ARFGAP1: variants seen among roughly 807,000 people sequenced by gnomAD.
The protein encoded by ARFGAP1 is ARF GTPase activating protein 1.
ARFGAP1 carries 26 observed loss-of-function variants against 54.0 expected under a neutral mutation model. The ratio of observed to expected loss-of-function variants is 0.48; its 90% confidence interval spans 0.35 to 0.67. The LOEUF (loss-of-function observed/expected upper bound fraction) is 0.67. Ranked by LOEUF, ARFGAP1 falls within the 30% of genes least tolerant of loss-of-function variation. ARFGAP1 has a pLI of 0.00. For missense variants in ARFGAP1, 525 were observed against 535.8 expected, an observed-to-expected ratio of 0.98 and a Z score of 0.20; for synonymous variants, 248 against 211.9, an observed-to-expected ratio of 1.17 and a Z score of -1.48.
rs1401359572 is a variant in ARFGAP1 at position 63,276,764 on chromosome 20, C to G, written c.342+113C>G. Reference sequence around the variant, plus strand: ...GAGTCGGTTCTTCTGCTGGTTCTGACACACCCACTGGGCCACACACAACTT... The same window carrying G: ...GAGTCGGTTCTTCTGCTGGTTCTGAGACACCCACTGGGCCACACACAACTT... On this transcript the variant is annotated intron_variant, in intron 4 of 12. Transcript: ENST00000370283. The surrounding 1 kb of genome is among the most constrained non-coding windows in gnomAD (Gnocchi z 5.2). The G allele has an allele frequency of 4.0e-6, 5 of 1,257,226 alleles. No homozygotes were observed. Among genetic ancestry groups the G allele is most frequent in the Admixed American group, 5.6e-5 (2 of 35,520 alleles). The allele number at this position is 1,257,226 out of a possible 1,614,324, so 77.9% of individuals were successfully genotyped here. A position where few individuals can be genotyped will look rare whatever the true frequency, so the allele number is the denominator to read the frequency against.
At position 63,277,302 on chromosome 20, in the gene ARFGAP1, A is replaced by T. The variant is rs1167677391; in HGVS notation, c.440A>T (p.His147Leu). The part of the protein sequence containing the change: ...PQPRTLPSMV[H>L]RVSGQPQSVT... ...CCCAGGACGCTGCCGTCCATGGTGCACCGGTAGCTGCTCCTCGTGGGGCCT... is the reference window on the plus strand; with the variant it reads ...CCCAGGACGCTGCCGTCCATGGTGCTCCGGTAGCTGCTCCTCGTGGGGCCT... Residue 147 changes from histidine (H) to leucine (L), a missense_variant, in exon 5 of 13, where the codon CAC becomes CTC. This residue lies in a region of ARFGAP1 where 466 missense variants were observed against 453.6 expected (regional missense o/e 1.03). Coordinates refer to ENST00000370283, the MANE Select transcript of ARFGAP1 (RefSeq NM_018209.4). 6 of 1,611,676 alleles carry T rather than the reference A, an allele frequency of 3.7e-6. No homozygotes were observed. Among genetic ancestry groups the T allele is most frequent in the Non-Finnish European group, 5.1e-6 (6 of 1,179,482 alleles).
intron 1 of ARFGAP1, among the ~76,000 whole-genome samples, chr20:63,274,723 T>A (rs1436628894): frequency 1.3e-5 from 2 of 152,170 alleles, no homozygotes; most frequent in Non-Finnish European, 2.9e-5. Context: ...CACTGGGTCA[T>A]TCCCCCTTGA....
In ARFGAP1 at chr20:63,289,275, G is replaced by A. The variant is rs1157544840; in HGVS notation, c.*1402G>A. ...CCACCGGGAAAGCAGCCAGCACAAA[G>A]GGCCCAGGAAGCCAGCCCCCGAGAG... On this transcript the variant is annotated 3_prime_UTR_variant, in exon 13 of 13. Transcript: ENST00000370283. 2 of 152,344 alleles carry A rather than the reference G, an allele frequency of 1.3e-5. No homozygotes were observed. Among genetic ancestry groups the A allele is most frequent in the African/African-American group, 4.8e-5 (2 of 41,444 alleles). The allele number at this position is 152,344 out of a possible 1,614,324, so 9.4% of individuals were successfully genotyped here. A position where few individuals can be genotyped will look rare whatever the true frequency, so the allele number is the denominator to read the frequency against.
At chr20:63,284,018 G>C in intron 9 of ARFGAP1, 1 of 1,487,286 alleles carries the variant, frequency 6.7e-7, no homozygotes, top group Non-Finnish European at 9.0e-7. Context: ...CCCTGGCCTC[G>C]GTCCGTGGCT....
At position 63,278,118 on chromosome 20, in the gene ARFGAP1, G is replaced by A; in HGVS notation, c.445G>A (p.Val149Ile). 1.2e-6 allele frequency: 2 copies of A among 1,613,628 alleles called. 1 individual carries two copies. Among genetic ancestry groups the A allele is most frequent in the South Asian group, 2.2e-5 (2 of 91,082 alleles). ...PRTLPSMVHR[V>I]SGQPQSVTAS... ...CCAGCCTTCGATTCTCGGTTTCAGA[G>A]TCTCTGGCCAGCCGCAGAGTGTGAC... Residue 149 changes from valine to isoleucine, a missense_variant and splice_region_variant, in exon 6 of 13, where the codon GTC (valine) becomes ATC (isoleucine). Physicochemically the swap from Val to Ile is conservative, Grantham distance 29. Transcript: ENST00000370283.
rs2067606362 is a variant in ARFGAP1, at chr20:63,287,893, C to G, written c.*20C>G. 1 of 1,489,166 alleles carries G rather than the reference C, an allele frequency of 6.7e-7. No individual in the cohort carries two copies. Among genetic ancestry groups the G allele is most frequent in the Non-Finnish European group, 8.9e-7 (1 of 1,118,428 alleles). The allele number at this position is 1,489,166 out of a possible 1,614,324, so 92.2% of individuals were successfully genotyped here. ...TGGTAGGGCCCACTGCGCCCCCGTC[C>G]CCAGCGCCCCCGGGCGACTTCGTGT... On this transcript the variant is annotated 3_prime_UTR_variant, in exon 13 of 13. Coordinates refer to ENST00000370283, the MANE Select transcript of ARFGAP1 (RefSeq NM_018209.4).
intron 4 of ARFGAP1, 25 bp from the exon 5 acceptor site, chr20:63,277,180 C>G (rs372343703): frequency 8.1e-6 from 13 of 1,602,952 alleles, no homozygotes; most frequent in Admixed American, 5.0e-5. Context: ...TTTATGCTCT[C>G]GAATGCCCTG....
chr20:63,286,682 G>GC (rs1233435231), intron 12 of ARFGAP1: 8 of 495,972 alleles, frequency 1.6e-5, no homozygotes, highest in Non-Finnish European at 2.6e-5. Context: ...CTCTGCAGCT[G>GC]CAGAGGCCTG....
chr20:63,284,343 G>T, intron 9 of ARFGAP1: 1 of 1,066,594 alleles, frequency 9.4e-7, no homozygotes. Context: ...GGAAGAGGAG[G>T]CCTCACACCA....
intron 9 of ARFGAP1, chr20:63,283,739 G>A (rs373557357): frequency 6.8e-5 from 79 of 1,170,202 alleles, no homozygotes; most frequent in East Asian, 4.5e-4. Context: ...GAGCCTGCCC[G>A]GTGCTGCCTT....
At chr20:63,278,326 G>A in intron 6 of ARFGAP1, 123 bp downstream of exon 6, 1 of 979,006 alleles carries the variant, frequency 1.0e-6, no homozygotes, top group Non-Finnish European at 1.6e-6. Flanking sequence ...GGCATGCGCG[G>A]TGCAGGGTCT....
At chr20:63,277,129 T>A (rs2123223769) in intron 4 of ARFGAP1, 76 bp from the exon 5 acceptor site, 3 of 1,289,392 alleles carry the variant, frequency 2.3e-6, no homozygotes, top group South Asian at 2.6e-5. Flanking sequence ...CCGTGGGGGG[T>A]GCGCTGGAGT....
At chr20:63,277,877 G>GGTGCA (rs1318163228) in intron 5 of ARFGAP1, among the ~76,000 whole-genome samples, 2 of 152,344 alleles carry the variant, frequency 1.3e-5, no homozygotes, top group Non-Finnish European at 2.9e-5. Context: ...CCTGCCAACA[G>GGTGCA]GGAGAGTGCA....
chr20:63,278,233 C>T lies in ARFGAP1; in HGVS notation c.530+30C>T, dbSNP rs377480144. 24 of 1,607,548 alleles carry T rather than the reference C, an allele frequency of 1.5e-5. No homozygotes were observed. The Admixed American group carries it at 2.0e-4, about 13-fold the overall frequency. ...GGACTTGAGAGCTGGGGACGCCTGG[C>T]GTGGGCCAGGCCCACAGGGTTCAGT... On this transcript the variant is annotated intron_variant, in intron 6 of 12. Transcript: ENST00000370283.
rs370481258 is a variant in ARFGAP1, at chr20:63,285,782, G to A, written c.834+69G>A. The A allele has an allele frequency of 5.9e-4, 940 of 1,582,000 alleles. 6 individuals are homozygous for A. In the African/African-American group the frequency reaches 9.6e-3, roughly 16 times the overall value. On this transcript the variant is annotated intron_variant, in intron 11 of 12. Transcript: ENST00000370283. ...CCATATTCCACGGCCCTGGGCGTGA[G>A]AGCAGGGTGTGCCCCGTGCAGCCCT...
chr20:63,281,833 A>G (rs2067388467), intron 8 of ARFGAP1, among the ~76,000 whole-genome samples: 2 of 152,124 alleles, frequency 1.3e-5, no homozygotes, highest in African/African-American at 4.8e-5. Context: ...CAGGCCTGAC[A>G]CCAGGATGGA....
At chr20:63,286,740 G>C (rs75986756) in intron 12 of ARFGAP1, 15,296 of 335,906 alleles carry the variant, frequency 0.046, 676 homozygotes, top group South Asian at 0.071. Flanking sequence ...CCCTGCAGGA[G>C]CTGGGCTCCC....
rs545914497 is a variant in ARFGAP1, at chr20:63,288,279, G to A, written c.*406G>A. 4.4e-5 allele frequency: 22 copies of A among 494,854 alleles called. No individual in the cohort carries two copies. The highest frequency in any genetic ancestry group is 1.7e-4 in the East Asian group (3 of 17,494). The allele number at this position is 494,854 out of a possible 1,614,324, so 30.7% of individuals were successfully genotyped here. On this transcript the variant is annotated 3_prime_UTR_variant, in exon 13 of 13. Coordinates refer to ENST00000370283, the MANE Select transcript of ARFGAP1 (RefSeq NM_018209.4). ...TCAGCGACGTGAGGTGTCCCTTCTC[G>A]TTGAGATATTTAACTTTGGTTTTGC...
chr20:63,286,407 C>T lies in ARFGAP1; in HGVS notation c.876C>T (p.Thr292=). The T allele has an allele frequency of 6.2e-7, 1 of 1,613,488 alleles. No individual in the cohort carries two copies. Among genetic ancestry groups the T allele is most frequent in the Non-Finnish European group, 8.5e-7 (1 of 1,179,964 alleles). ...GTAAGGGATGGCGGGACGTCACCAC[C>T]TTTTTTTCGGGGAAAGCAGAGGGCC... ...VGSKGWRDVT[T]FFSGKAEGPL... The change falls in exon 12 of 13, where the codon ACC becomes ACT. Residue 292 remains threonine, a synonymous_variant. Coordinates refer to ENST00000370283, the MANE Select transcript of ARFGAP1 (RefSeq NM_018209.4).
Sources: allele counts gnomAD v4.1 joint callset (sites outside exome capture counted in the v4.1 genomes callset), GRCh38; gene constraint gnomAD v4.1.1; regional missense constraint gnomAD v4.1.1; non-coding constraint Gnocchi (gnomAD v3.1); transcripts MANE v1.5; gene names NCBI Gene and HGNC (gene_info 2026-07-23, HGNC 2026-07-21).